Variants in TAB1 observed in about 807,000 individuals in gnomAD.
The protein encoded by TAB1 is TGF-beta-activated kinase 1 and MAP3K7-binding protein 1.
TAB1 carries 30 observed loss-of-function variants against 54.5 expected under a neutral mutation model. That is an observed-to-expected ratio of 0.55 (90% CI 0.41 to 0.75). The LOEUF is 0.75. TAB1 is among the 30% of genes least tolerant of loss of function. The pLI is 0.00. For missense variants in TAB1, 609 were observed against 683.2 expected, an observed-to-expected ratio of 0.89 and a Z score of 1.21; for synonymous variants, 289 against 286.9, an observed-to-expected ratio of 1.01 and a Z score of -0.07.
rs1330975432 is a variant in TAB1, at chr22:39,428,012, C to T, written c.1145-9C>T. 1.4e-5 allele frequency: 22 copies of T among 1,575,920 alleles called. No homozygotes were observed. The highest frequency in any genetic ancestry group is 1.9e-5 in the Non-Finnish European group (22 of 1,153,148). On this transcript the variant is annotated splice_polypyrimidine_tract_variant and intron_variant, in intron 9 of 10. Coordinates refer to ENST00000216160, the MANE Select transcript of TAB1 (RefSeq NM_006116.3). Reference sequence around the variant, plus strand: ...GCTGCCTGAGGCCCCCACTCTCTTCCTCCCAAAGCTGCAGGAGGACGAGTG... The same window carrying T: ...GCTGCCTGAGGCCCCCACTCTCTTCTTCCCAAAGCTGCAGGAGGACGAGTG...
intron 4 of TAB1, among the ~76,000 whole-genome samples, chr22:39,417,301 C>G (rs1344511147): frequency 6.6e-6 from 1 of 152,204 alleles, no homozygotes; most frequent in Non-Finnish European, 1.5e-5. Context: ...CTGTCTGTCC[C>G]CCGGGCCCTC....
At chr22:39,426,984 G>GGGCTCTGCACCCACCTC in intron 9 of TAB1, 59 bp downstream of exon 9, 1 of 1,549,216 alleles carries the variant, frequency 6.5e-7, no homozygotes, top group South Asian at 1.1e-5. Flanking sequence ...CCAGAGGTGG[G>GGGCTCTGCACCCACCTC]TGCAGAGCCC....
intron 1 of TAB1, among the ~76,000 whole-genome samples, chr22:39,407,417 A>G (rs558259689): frequency 1.6e-4 from 24 of 152,108 alleles, no homozygotes; most frequent in African/African-American, 5.5e-4. Context: ...TGCCTGGGCT[A>G]ACACCTCCAG....
chr22:39,417,358 C>A (rs35214117), intron 4 of TAB1, among the ~76,000 whole-genome samples: 1 of 152,224 alleles, frequency 6.6e-6, no homozygotes, highest in Non-Finnish European at 1.5e-5. Context: ...TGGTGGCTCA[C>A]GCCTGTAATC....
chr22:39,427,967 C>A lies in TAB1; in HGVS notation c.1145-54C>A, dbSNP rs1927421823. 4 of 1,510,554 alleles carry A rather than the reference C, an allele frequency of 2.6e-6. No individual in the cohort carries two copies. In the African/African-American group the frequency reaches 4.1e-5, roughly 15 times the overall value. 93.6% of individuals were successfully genotyped at this position (1,510,554 alleles called of 1,614,324 possible). On this transcript the variant is annotated intron_variant, in intron 9 of 10. Transcript: ENST00000216160. ...CCATGGAGCAGCTATGCCCCTGCTACCCTGGGTTTCTCCTCAGCTGCTGCC... is the reference window on the plus strand; with the variant it reads ...CCATGGAGCAGCTATGCCCCTGCTAACCTGGGTTTCTCCTCAGCTGCTGCC...
At chr22:39,420,029 T>A (rs1299160304) in intron 7 of TAB1, among the ~76,000 whole-genome samples, 2 of 152,026 alleles carry the variant, frequency 1.3e-5, no homozygotes, top group African/African-American at 2.4e-5. Context: ...GAAGCCAGAG[T>A]TGGCATGGGA....
intron 1 of TAB1, among the ~76,000 whole-genome samples, chr22:39,407,590 T>C (rs900901826): frequency 1.3e-5 from 2 of 152,060 alleles, no homozygotes; most frequent in Admixed American, 1.3e-4. Flanking sequence ...TTCCAGCGAT[T>C]CTCCTTCCTC....
At chr22:39,423,561 C>T (rs1927187175) in intron 8 of TAB1, among the ~76,000 whole-genome samples, 2 of 152,266 alleles carry the variant, frequency 1.3e-5, no homozygotes, top group South Asian at 2.1e-4. Context: ...GCCAAGATCG[C>T]ACCACTGCAC....
At chr22:39,433,177 C>A (rs879445095), downstream of TAB1, 1 of 985,310 alleles carries the variant, frequency 1.0e-6, no homozygotes, top group Non-Finnish European at 1.2e-6. Context: ...CTCGGCCGGG[C>A]GCGGTGGCTC....
In TAB1 at chr22:39,417,779, G is replaced by C; in HGVS notation, c.480G>C (p.Arg160Ser). 2 of 1,613,530 alleles carry C rather than the reference G, an allele frequency of 1.2e-6. No homozygotes were observed. Among genetic ancestry groups the C allele is most frequent in the Non-Finnish European group, 1.7e-6 (2 of 1,179,784 alleles). ...TTGAGAGACTCAAGACGTTAGAGAG[G>C]GAAATTTCGGGAGGGGCCATGGCCG... ...KILERLKTLEREISGGAMAVV... is the reference protein window; with the variant it reads ...KILERLKTLESEISGGAMAVV... Residue 160 changes from arginine (R) to serine (S), a missense_variant, in exon 5 of 11, where the codon AGG (arginine) becomes AGC (serine). Coordinates refer to ENST00000216160, the MANE Select transcript of TAB1 (RefSeq NM_006116.3).
chr22:39,399,834 G>A lies in TAB1; in HGVS notation c.32G>A (p.Ser11Asn), dbSNP rs138527635. 31 of 1,597,430 alleles carry A rather than the reference G, an allele frequency of 1.9e-5. No individual in the cohort carries two copies. The African/African-American group carries it at 4.0e-4, about 21-fold the overall frequency. MAAQRRSLLQ[S>N]EQQPSWTDDL... is the part of the protein sequence containing the mutation. ...GCGCAGAGGAGGAGCTTGCTGCAGA[G>A]TGTGAGGAACAGGCCCGCTCTCTGG... Residue 11 changes from serine to asparagine, a missense_variant and splice_region_variant, in exon 1 of 11, where the codon AGT becomes AAT. Physicochemically the swap from Ser to Asn is conservative, Grantham distance 46. Coordinates refer to ENST00000216160, the MANE Select transcript of TAB1 (RefSeq NM_006116.3).
rs1279429261 is a variant in TAB1 at position 39,414,942 on chromosome 22, G to A, written c.34-64G>A. ...CTAGGTTTTTGTTGCAGAAGGAATAGGTGAAGTGGGGACTACCCTGCAGAC... is the reference window on the plus strand; with the variant it reads ...CTAGGTTTTTGTTGCAGAAGGAATAAGTGAAGTGGGGACTACCCTGCAGAC... On this transcript the variant is annotated intron_variant, in intron 1 of 10. Coordinates refer to ENST00000216160, the MANE Select transcript of TAB1 (RefSeq NM_006116.3). The A allele has an allele frequency of 4.4e-6, 7 of 1,601,806 alleles. No homozygotes were observed. The East Asian group carries it at 1.6e-4, about 36-fold the overall frequency.
chr22:39,404,491 C>T (rs1926279186), intron 1 of TAB1, among the ~76,000 whole-genome samples: 1 of 151,006 alleles, frequency 6.6e-6, no homozygotes. Flanking sequence ...TGCCTGAGCC[C>T]AGAAGTTTGA....
At chr22:39,429,013 G>C in intron 10 of TAB1, 5 of 978,934 alleles carry the variant, frequency 5.1e-6, no homozygotes, top group Non-Finnish European at 6.1e-6. Context: ...ACCCCTGCCG[G>C]GCTGCCTGGA....
chr22:39,424,497 T>A (rs1927235198), intron 8 of TAB1, among the ~76,000 whole-genome samples: 1 of 141,746 alleles, frequency 7.1e-6, no homozygotes, highest in Admixed American at 7.8e-5. Flanking sequence ...CAAGCTGGAG[T>A]GCAGTGGTGC....
Position 39,415,174 on chromosome 22 carries a change from G to A in TAB1, c.170+32G>A, listed in dbSNP as rs757326916. The stretch of plus-strand genomic sequence containing the variant: ...GTGCCAGCATTTCTGTGTTGGGCCC[G>A]GGGAGTTGGTTGGTTTGCAAGCAAG... On this transcript the variant is annotated intron_variant, in intron 2 of 10. Transcript: ENST00000216160. This position sits in a 1 kb window ranked among gnomAD's most constrained non-coding sequence, Gnocchi z 4.9. 4.1e-5 allele frequency: 63 copies of A among 1,542,004 alleles called. No homozygotes were observed. Among genetic ancestry groups the A allele is most frequent in the South Asian group, 4.9e-5 (4 of 80,818 alleles).
At chr22:39,432,672 C>T (rs1927631854), downstream of TAB1, 17 of 843,208 alleles carry the variant, frequency 2.0e-5, no homozygotes, top group Non-Finnish European at 2.4e-5. Context: ...TGGTGAGTAA[C>T]TGAGGCACAG....
At chr22:39,417,674 G>A (rs1926896495) in intron 4 of TAB1, 37 bp from the exon 5 acceptor site, 1 of 1,551,298 alleles carries the variant, frequency 6.4e-7, no homozygotes. Context: ...ATGGTCCAGA[G>A]TTCTGTCCTG....
At chr22:39,402,395 G>A (rs1244873468) in intron 1 of TAB1, among the ~76,000 whole-genome samples, 1 of 152,200 alleles carries the variant, frequency 6.6e-6, no homozygotes, top group African/African-American at 2.4e-5. Context: ...ACAAGTCTAT[G>A]TGTTGAGGGG....
Sources: allele counts gnomAD v4.1 joint callset (sites outside exome capture counted in the v4.1 genomes callset), GRCh38; gene constraint gnomAD v4.1.1; non-coding constraint Gnocchi (gnomAD v3.1); transcripts MANE v1.5; gene names NCBI Gene and HGNC (gene_info 2026-07-23, HGNC 2026-07-21).